The following ARHGAP39 variants were observed in gnomAD, a reference collection of about 807,000 sequenced individuals.
ARHGAP39 encodes the protein rho GTPase-activating protein 39.
A neutral mutation model predicts 106.9 loss-of-function variants in ARHGAP39; 44 were observed. The ratio of observed to expected loss-of-function variants is 0.41; its 90% confidence interval spans 0.32 to 0.53. The LOEUF is 0.53. Ranked by LOEUF, ARHGAP39 falls within the 20% of genes least tolerant of loss-of-function variation. The probability of loss-of-function intolerance (pLI) is 0.21; values close to 1 mark genes in which losing one functional copy is unlikely to be tolerated. For missense variants in ARHGAP39, 1,496 were observed against 1,577.3 expected, an observed-to-expected ratio of 0.95 and a Z score of 0.87; for synonymous variants, 768 against 693.2, an observed-to-expected ratio of 1.11 and a Z score of -1.69.
chr8:144,564,669 T>C (rs550744527), intron 3 of ARHGAP39, among the ~76,000 whole-genome samples: 43 of 152,214 alleles, frequency 2.8e-4, no homozygotes, highest in African/African-American at 9.4e-4. Context: ...GAGATAAGCA[T>C]TATGATGTCT....
chr8:144,592,902 T>C (rs1052086170), intron 2 of ARHGAP39, among the ~76,000 whole-genome samples: 7 of 152,146 alleles, frequency 4.6e-5, no homozygotes, highest in Non-Finnish European at 8.8e-5. Flanking sequence ...GAGGACATTG[T>C]GTGGGCTGGG....
chr8:144,612,766 C>T (rs1401727363), intron 1 of ARHGAP39, among the ~76,000 whole-genome samples: 24 of 151,826 alleles, frequency 1.6e-4, no homozygotes. Flanking sequence ...GGCTGCGCCG[C>T]TGCACTCCAG....
rs1348219446 is a variant in ARHGAP39, at chr8:144,547,229, C to T, written c.1857G>A (p.Arg619=). ...LAQQENRHWR[R]GTFEKLGFPQ... ...GGAAGCCTAGCTTCTCGAAGGTGCC[C>T]CTCCTCCAGTGCCTGTTCTCCTGCT... The change falls in exon 5 of 12, where the codon AGG becomes AGA. Residue 619 remains arginine, a synonymous_variant. Coordinates refer to ENST00000377307, the MANE Select transcript of ARHGAP39 (RefSeq NM_025251.3). The surrounding 1 kb of genome is among the most constrained non-coding windows in gnomAD (Gnocchi z 5.2). The T allele has an allele frequency of 6.2e-7, 1 of 1,612,608 alleles. No homozygotes were observed. The highest frequency in any genetic ancestry group is 8.5e-7 in the Non-Finnish European group (1 of 1,179,782).
chr8:144,623,577 A>T (rs994490077), intron 1 of ARHGAP39, among the ~76,000 whole-genome samples: 1 of 152,270 alleles, frequency 6.6e-6, no homozygotes. Flanking sequence ...CGGCACAGAC[A>T]CAAAGCAGGC....
chr8:144,693,689 C>A, the ARHGAP39 span, among the ~76,000 whole-genome samples: 2 of 152,196 alleles, frequency 1.3e-5, no homozygotes, highest in Non-Finnish European at 2.9e-5. Flanking sequence ...CCGTAAAATT[C>A]TTTGAGAGAT....
intron 3 of ARHGAP39, among the ~76,000 whole-genome samples, chr8:144,577,214 G>C (rs1447762674): frequency 6.6e-6 from 1 of 152,174 alleles, no homozygotes; most frequent in Non-Finnish European, 1.5e-5. Context: ...AGCCCACAGG[G>C]AGGTTCCTCT....
chr8:144,631,071 G>A (rs1237970142), intron 1 of ARHGAP39, among the ~76,000 whole-genome samples: 1 of 152,204 alleles, frequency 6.6e-6, no homozygotes, highest in Non-Finnish European at 1.5e-5. Context: ...CAAAGCAGGG[G>A]CAAGAGGGGG....
intron 2 of ARHGAP39, among the ~76,000 whole-genome samples, chr8:144,582,589 A>C (rs1198503041): frequency 6.6e-6 from 1 of 152,224 alleles, no homozygotes; most frequent in Non-Finnish European, 1.5e-5. Flanking sequence ...TGGATGCCAC[A>C]GGCAGAAGGC....
rs1024439865 is a variant in ARHGAP39 at position 144,684,787 on chromosome 8, G to A, written c.-82+899C>T. ...CCAGCTCGGGGGGCAACCGGGAGGG[G>A]AAGGCTCCGAGCGCCGGAGCCCCAG... On this transcript the variant is annotated intron_variant, in intron 1 of 11. Transcript: ENST00000377307. This position sits in a 1 kb window ranked among gnomAD's most constrained non-coding sequence, Gnocchi z 4.4. Among the ~76,000 whole-genome samples the A allele has an allele frequency of 1.3e-5, 2 of 152,216 alleles. No homozygotes were observed. The highest frequency in any genetic ancestry group is 1.5e-5 in the Non-Finnish European group (1 of 68,020).
intron 1 of ARHGAP39, among the ~76,000 whole-genome samples, chr8:144,685,328 G>A (rs1417997260): frequency 6.7e-6 from 1 of 150,368 alleles, no homozygotes. Context: ...CCTAGGGCAG[G>A]GACACAACTC....
At chr8:144,635,853 G>GAGCACTTACCCGGTGGGAT in intron 1 of ARHGAP39, among the ~76,000 whole-genome samples, 2 of 119,706 alleles carry the variant, frequency 1.7e-5, no homozygotes, top group Non-Finnish European at 1.8e-5. Context: ...TTAGAGGGGG[G>GAGCACTTACCCGGTGGGAT]CTGAGGCTAC....
intron 1 of ARHGAP39, among the ~76,000 whole-genome samples, chr8:144,627,750 C>G (rs1271959705): frequency 6.6e-6 from 1 of 152,136 alleles, no homozygotes; most frequent in East Asian, 1.9e-4. Flanking sequence ...AGAGCAAGAC[C>G]CTGTCTCAAA....
intron 1 of ARHGAP39, among the ~76,000 whole-genome samples, chr8:144,655,985 A>G (rs538752536): frequency 2.6e-5 from 4 of 152,340 alleles, no homozygotes; most frequent in African/African-American, 9.6e-5. Flanking sequence ...AAAACGATCA[A>G]TCTAGAATCC....
chr8:144,550,526 C>T (rs1817652752), intron 4 of ARHGAP39, among the ~76,000 whole-genome samples: 1 of 152,264 alleles, frequency 6.6e-6, no homozygotes, highest in Non-Finnish European at 1.5e-5. Context: ...CTGGACAAGG[C>T]CACATTCCCC....
chr8:144,629,165 T>C (rs1040800979), intron 1 of ARHGAP39, among the ~76,000 whole-genome samples: 1 of 152,200 alleles, frequency 6.6e-6, no homozygotes, highest in Non-Finnish European at 1.5e-5. Context: ...AACTCTAGGT[T>C]TGAGGCCACA....
chr8:144,667,766 T>C (rs1822000967), intron 1 of ARHGAP39, among the ~76,000 whole-genome samples: 1 of 152,152 alleles, frequency 6.6e-6, no homozygotes, highest in Non-Finnish European at 1.5e-5. Flanking sequence ...TCCTCATCTA[T>C]GAAACAGGAC....
chr8:144,616,496 G>T (rs148303636), intron 1 of ARHGAP39, among the ~76,000 whole-genome samples: 1 of 152,202 alleles, frequency 6.6e-6, no homozygotes, highest in East Asian at 1.9e-4. Flanking sequence ...CTAGGAGGCC[G>T]CCTGGTCAAA....
chr8:144,562,786 A>G (rs1414353250), intron 3 of ARHGAP39, among the ~76,000 whole-genome samples: 1 of 126,244 alleles, frequency 7.9e-6, no homozygotes, highest in East Asian at 2.2e-4. Context: ...CATCGGACTC[A>G]CTCCAGTGGT....
At chr8:144,545,847 G>C in intron 5 of ARHGAP39, 37 bp from the exon 6 acceptor site, 1 of 1,450,002 alleles carries the variant, frequency 6.9e-7, no homozygotes. Context: ...GTTGGGGGTG[G>C]GGGAGGGCCA....
Sources: allele counts gnomAD v4.1 joint callset (sites outside exome capture counted in the v4.1 genomes callset), GRCh38; gene constraint gnomAD v4.1.1; non-coding constraint Gnocchi (gnomAD v3.1); transcripts MANE v1.5; gene names NCBI Gene and HGNC (gene_info 2026-07-23, HGNC 2026-07-21).